The following CNTN5 variants were observed in gnomAD, a reference collection of about 807,000 sequenced individuals.
CNTN5 encodes the protein contactin 5.
A neutral mutation model predicts 129.1 loss-of-function variants in CNTN5; 77 were observed. The ratio of observed to expected loss-of-function variants is 0.60; its 90% confidence interval spans 0.50 to 0.72. The LOEUF is 0.72. Among genes scored for constraint, CNTN5 ranks in the 30% least tolerant of loss-of-function variants. The pLI, the probability that CNTN5 is intolerant of heterozygous loss-of-function variation, is 0.00. For missense variants in CNTN5, 1,478 were observed against 1,328.8 expected, an observed-to-expected ratio of 1.11 and a Z score of -1.75; for synonymous variants, 509 against 465.6, an observed-to-expected ratio of 1.09 and a Z score of -1.20.
intron 3 of CNTN5, among the ~76,000 whole-genome samples, chr11:99,793,534 C>T (rs1313384541): frequency 6.6e-6 from 1 of 152,072 alleles, no homozygotes. Flanking sequence ...TGAGATCTTG[C>T]TAAATTTTTC....
chr11:99,556,209 CTG>C lies in CNTN5; in HGVS notation c.-5_-4del. 6.6e-7 allele frequency: 1 copy of C among 1,506,226 alleles called. No homozygotes were observed. Among genetic ancestry groups the C allele is most frequent in the Non-Finnish European group, 9.0e-7 (1 of 1,116,984 alleles). 93.3% of individuals were successfully genotyped at this position (1,506,226 alleles called of 1,614,324 possible). ...ATTGAGACACAGAAGATTCTAGTGA[CTG>C]AGGATGGCTTCCTCTTGGAAACTAA... On this transcript the variant is annotated 5_prime_UTR_variant, in exon 3 of 25. Coordinates refer to ENST00000524871, the MANE Select transcript of CNTN5 (RefSeq NM_014361.4).
At chr11:99,896,613 C>T (rs1218242352) in intron 6 of CNTN5, among the ~76,000 whole-genome samples, 3 of 152,178 alleles carry the variant, frequency 2.0e-5, no homozygotes, top group Non-Finnish European at 2.9e-5. Context: ...CTCTAAGAGC[C>T]CAGTTTCCTG....
intron 1 of CNTN5, among the ~76,000 whole-genome samples, chr11:99,210,854 T>A (rs1859738103): frequency 8.9e-6 from 1 of 112,792 alleles, no homozygotes; most frequent in Non-Finnish European, 2.0e-5. Flanking sequence ...GAAGGGCAGA[T>A]AGCAGTCTTT....
At chr11:100,289,720 C>T (rs2138856289) in intron 18 of CNTN5, among the ~76,000 whole-genome samples, 1 of 150,858 alleles carries the variant, frequency 6.6e-6, no homozygotes, top group Non-Finnish European at 1.5e-5. Flanking sequence ...TGCCCTCTCT[C>T]ACCACTCCTA....
chr11:100,287,612 A>G (rs1355562693), intron 18 of CNTN5, among the ~76,000 whole-genome samples: 1 of 151,490 alleles, frequency 6.6e-6, no homozygotes, highest in Non-Finnish European at 1.5e-5. Context: ...AGGAAGCACT[A>G]AACATGGAAA....
At chr11:99,228,831 T>G (rs1860830285) in intron 1 of CNTN5, among the ~76,000 whole-genome samples, 1 of 152,036 alleles carries the variant, frequency 6.6e-6, no homozygotes, top group African/African-American at 2.4e-5. Context: ...TTTCTCACAT[T>G]TATGGCAAAA....
At chr11:100,264,996 G>T (rs570892248) in intron 17 of CNTN5, among the ~76,000 whole-genome samples, 13 of 152,002 alleles carry the variant, frequency 8.6e-5, no homozygotes, top group South Asian at 2.1e-4. Context: ...ATGTTGTGGG[G>T]TTTTTTTATA....
intron 13 of CNTN5, among the ~76,000 whole-genome samples, chr11:100,166,358 T>C (rs927680822): frequency 1.3e-5 from 2 of 151,726 alleles, no homozygotes; most frequent in African/African-American, 4.8e-5. Context: ...ATGTTCCATG[T>C]AAACATCTCA....
At chr11:99,776,805 T>A (rs1217468809) in intron 3 of CNTN5, among the ~76,000 whole-genome samples, 1 of 150,774 alleles carries the variant, frequency 6.6e-6, no homozygotes, top group Non-Finnish European at 1.5e-5. Context: ...AAAAAACTAT[T>A]CAAAAGCGAC....
rs191323423 is a variant in CNTN5, at chr11:99,666,228, G to A, written c.55+109959G>A. ...GGTGATCCGCCTGCCTGTGCCTCCC[G>A]AAGTGCTTGGATTATAGGCATGAGC... On this transcript the variant is annotated intron_variant, in intron 3 of 24. Coordinates refer to ENST00000524871, the MANE Select transcript of CNTN5 (RefSeq NM_014361.4). Among the ~76,000 whole-genome samples, 401 of 152,204 alleles carry A rather than the reference G, an allele frequency of 2.6e-3. 3 individuals are homozygous for A. The highest frequency in any genetic ancestry group is 9.1e-3 in the African/African-American group (376 of 41,546).
intron 2 of CNTN5, among the ~76,000 whole-genome samples, chr11:99,532,816 C>T (rs1947763764): frequency 6.6e-6 from 1 of 152,162 alleles, no homozygotes; most frequent in Non-Finnish European, 1.5e-5. Context: ...ACTCTTTTTC[C>T]TCCCAGTCTC....
At chr11:99,747,723 C>T (rs752004013) in intron 3 of CNTN5, among the ~76,000 whole-genome samples, 13 of 152,118 alleles carry the variant, frequency 8.5e-5, no homozygotes, top group African/African-American at 2.4e-4. Flanking sequence ...CCACCCGCCT[C>T]GGCCTCCCAA....
At chr11:99,821,173 C>T (rs1235219311) in intron 4 of CNTN5, among the ~76,000 whole-genome samples, 1 of 152,130 alleles carries the variant, frequency 6.6e-6, no homozygotes, top group South Asian at 2.1e-4. Context: ...GAACTGTGAT[C>T]TACTTGTATA....
chr11:99,776,634 C>A (rs988920585), intron 3 of CNTN5, among the ~76,000 whole-genome samples: 7 of 151,246 alleles, frequency 4.6e-5, no homozygotes, highest in Non-Finnish European at 8.8e-5. Flanking sequence ...AAACATTGAT[C>A]CTGTTAACTT....
chr11:99,651,915 G>T (rs753827835), intron 3 of CNTN5, among the ~76,000 whole-genome samples: 4 of 151,976 alleles, frequency 2.6e-5, no homozygotes, highest in African/African-American at 4.8e-5. Context: ...AAAGTTCTGC[G>T]TTAGAAAGGA....
chr11:99,353,747 C>T (rs1033484372), intron 2 of CNTN5, among the ~76,000 whole-genome samples: 1 of 152,156 alleles, frequency 6.6e-6, no homozygotes, highest in African/African-American at 2.4e-5. Flanking sequence ...CTCTGCTGTG[C>T]ATCCTGATTG....
At chr11:99,290,745 T>C (rs148075014) in intron 1 of CNTN5, among the ~76,000 whole-genome samples, 3 of 152,002 alleles carry the variant, frequency 2.0e-5, no homozygotes, top group Admixed American at 6.6e-5. Flanking sequence ...ATCTTTTGTA[T>C]ACTACGAAGA....
intron 3 of CNTN5, among the ~76,000 whole-genome samples, chr11:99,755,810 A>C (rs1944387558): frequency 6.6e-6 from 1 of 152,086 alleles, no homozygotes; most frequent in African/African-American, 2.4e-5. Flanking sequence ...CTCCTTAAGA[A>C]GTATATTTTT....
chr11:100,154,258 T>C (rs768315627), intron 13 of CNTN5, among the ~76,000 whole-genome samples: 1 of 152,150 alleles, frequency 6.6e-6, no homozygotes, highest in African/African-American at 2.4e-5. Flanking sequence ...GCGTCATCCA[T>C]GTCCCTGCAA....
Sources: allele counts gnomAD v4.1 joint callset (sites outside exome capture counted in the v4.1 genomes callset), GRCh38; gene constraint gnomAD v4.1.1; transcripts MANE v1.5; gene names NCBI Gene and HGNC (gene_info 2026-07-23, HGNC 2026-07-21).